ARID1B: variants seen among roughly 807,000 people sequenced by gnomAD.
ARID1B encodes AT-rich interaction domain 1B, also known as AT-rich interactive domain-containing protein 1B.
A neutral mutation model predicts 212.3 loss-of-function variants in ARID1B; 30 were observed. The ratio of observed to expected loss-of-function variants is 0.14; its 90% confidence interval spans 0.11 to 0.19. The LOEUF (loss-of-function observed/expected upper bound fraction) is 0.19, where lower values mean the gene tolerates loss of function less well. ARID1B is among the 10% of genes least tolerant of loss of function. The pLI is 1.00. For synonymous variants in ARID1B, 1,402 were observed against 1,301.7 expected (o/e 1.08, Z -1.66); for missense variants, 2,891 against 3,204.0 (o/e 0.90, Z 2.36).
At chr6:156,930,282 C>A (rs889238645) in intron 3 of ARID1B, among the ~76,000 whole-genome samples, 3 of 152,078 alleles carry the variant, frequency 2.0e-5, no homozygotes, top group African/African-American at 7.2e-5. Context: ...TCTCATGAGA[C>A]CTGGTTGTTT....
intron 4 of ARID1B, among the ~76,000 whole-genome samples, chr6:157,015,037 C>T (rs533068140): frequency 6.6e-6 from 1 of 152,254 alleles, no homozygotes; most frequent in Non-Finnish European, 1.5e-5. Context: ...CTGGGAAAGA[C>T]GAGATGACAT....
intron 4 of ARID1B, among the ~76,000 whole-genome samples, chr6:157,060,466 GAATA>G (rs1562586030): frequency 1.3e-5 from 2 of 151,984 alleles, no homozygotes; most frequent in South Asian, 2.1e-4. Flanking sequence ...TGCCATAGAA[GAATA>G]AATAATTTTC....
intron 1 of ARID1B, among the ~76,000 whole-genome samples, chr6:156,822,811 C>T (rs907960810): frequency 2.0e-5 from 3 of 152,126 alleles, no homozygotes; most frequent in African/African-American, 7.2e-5. Flanking sequence ...AGTGGGCGCC[C>T]ACTGCCCACT....
intron 4 of ARID1B, among the ~76,000 whole-genome samples, chr6:156,957,245 C>T (rs1381211298): frequency 6.6e-6 from 1 of 152,152 alleles, no homozygotes; most frequent in African/African-American, 2.4e-5. Context: ...CCACTGTGTC[C>T]CACGTCTTTC....
rs1017787863 is a variant in ARID1B at position 157,209,684 on chromosome 6, G to A, written c.*1793G>A. Reference sequence around the variant, plus strand: ...TATTTTGCATTTAGTTTACTCCACCGTGTATAATATTTATACTGTGCAATG... The same window carrying A: ...TATTTTGCATTTAGTTTACTCCACCATGTATAATATTTATACTGTGCAATG... On this transcript the variant is annotated 3_prime_UTR_variant, in exon 20 of 20. Transcript: ENST00000636930. 14 of 233,050 alleles carry A rather than the reference G, an allele frequency of 6.0e-5. No homozygotes were observed. The highest frequency in any genetic ancestry group is 2.4e-4 in the African/African-American group (11 of 45,416). The allele number at this position is 233,050 out of a possible 1,614,324, so 14.4% of individuals were successfully genotyped here.
intron 2 of ARID1B, among the ~76,000 whole-genome samples, chr6:156,897,206 G>GCTTCTT (rs1562468084): frequency 6.0e-5 from 5 of 82,844 alleles, no homozygotes; most frequent in African/African-American, 9.2e-5. Context: ...TGCTGCTGCT[G>GCTTCTT]CTGCTGCTGC....
intron 1 of ARID1B, among the ~76,000 whole-genome samples, chr6:156,794,272 CAG>C (rs1780201649): frequency 6.6e-6 from 1 of 151,440 alleles, no homozygotes; most frequent in Non-Finnish European, 1.5e-5. Context: ...TTTTTGGAGA[CAG>C]AGTCTTGCTC....
At chr6:156,833,597 A>G (rs1386686395) in intron 2 of ARID1B, among the ~76,000 whole-genome samples, 1 of 152,222 alleles carries the variant, frequency 6.6e-6, no homozygotes, top group Admixed American at 6.5e-5. Context: ...ATGGGAAAAC[A>G]TGACTTTTTT....
At chr6:157,016,106 T>C (rs1402779642) in intron 4 of ARID1B, among the ~76,000 whole-genome samples, 2 of 152,358 alleles carry the variant, frequency 1.3e-5, no homozygotes, top group South Asian at 4.1e-4. Context: ...ACAGTGTCTG[T>C]CAAATTACTA....
At position 157,017,405 on chromosome 6, in the gene ARID1B, TTTTG is replaced by T. The variant is rs141536933; in HGVS notation, c.2248-67246_2248-67243del. Among the ~76,000 whole-genome samples the T allele has an allele frequency of 3.6e-3, 550 of 152,330 alleles. 29 individuals carry two copies. In the East Asian group the frequency reaches 0.083, roughly 23 times the overall value. Reference sequence around the variant, plus strand: ...ATTGGGGACCACAGGAAGATGTTCTTTTTGTTTGTTTGTTGTGGCTAATAGATGA... The same window carrying T: ...ATTGGGGACCACAGGAAGATGTTCTTTTTGTTTGTTGTGGCTAATAGATGA... On this transcript the variant is annotated intron_variant, in intron 4 of 19. Transcript: ENST00000636930.
At chr6:156,968,281 C>CA (rs1392826964) in intron 4 of ARID1B, among the ~76,000 whole-genome samples, 2 of 151,714 alleles carry the variant, frequency 1.3e-5, no homozygotes, top group South Asian at 2.1e-4. Context: ...TGCCATTTTA[C>CA]AAAAAATGAG....
At chr6:157,005,665 C>A (rs1264361177) in intron 4 of ARID1B, among the ~76,000 whole-genome samples, 4 of 152,098 alleles carry the variant, frequency 2.6e-5, no homozygotes, top group Non-Finnish European at 5.9e-5. Flanking sequence ...GCAGTTCCTC[C>A]CCGATCTCCG....
chr6:157,025,285 A>G (rs1780587300), intron 4 of ARID1B, among the ~76,000 whole-genome samples: 1 of 152,246 alleles, frequency 6.6e-6, no homozygotes, highest in Admixed American at 6.5e-5. Context: ...ATGAGAAACT[A>G]TAGGATATTG....
At chr6:157,110,776 C>G in intron 6 of ARID1B, 2 of 590,660 alleles carry the variant, frequency 3.4e-6, no homozygotes, top group Non-Finnish European at 6.0e-6. Context: ...AAGTACAGTT[C>G]AAGGCCCAAA....
intron 4 of ARID1B, among the ~76,000 whole-genome samples, chr6:157,050,310 C>T (rs1782512544): frequency 6.6e-6 from 1 of 152,180 alleles, no homozygotes; most frequent in Non-Finnish European, 1.5e-5. Flanking sequence ...CTTTGGGAGG[C>T]CGAGGCGGGT....
At chr6:157,138,777 T>A (rs1789125516) in intron 7 of ARID1B, among the ~76,000 whole-genome samples, 1 of 152,256 alleles carries the variant, frequency 6.6e-6, no homozygotes, top group Admixed American at 6.5e-5. Context: ...CTTCTTATCT[T>A]AACCTTGTTT....
rs367881006 is a variant in ARID1B at position 157,178,439 on chromosome 6, C to T, written c.3505-2530C>T. Among the ~76,000 whole-genome samples the T allele has an allele frequency of 1.8e-4, 27 of 152,238 alleles. 1 individual carries two copies. The South Asian group carries it at 5.4e-3, about 30-fold the overall frequency. On this transcript the variant is annotated intron_variant, in intron 11 of 19. Transcript: ENST00000636930. ...ACATACAGTTTTACACAGTGTGTGACGTCGTGCTGCAAAGGAAAAGTAAAG... is the reference window on the plus strand; with the variant it reads ...ACATACAGTTTTACACAGTGTGTGATGTCGTGCTGCAAAGGAAAAGTAAAG...
chr6:156,976,964 A>T, intron 4 of ARID1B: 1 of 536,276 alleles, frequency 1.9e-6, no homozygotes, highest in Non-Finnish European at 3.7e-6. Context: ...ATCTGCTTCC[A>T]TCCTGCCAGT....
chr6:156,975,617 T>C (rs901121975), intron 4 of ARID1B, among the ~76,000 whole-genome samples: 393 of 149,888 alleles, frequency 2.6e-3, no homozygotes, highest in Non-Finnish European at 4.9e-3. Flanking sequence ...TTTTTTCTTT[T>C]TTTTTTTTTT....
Sources: allele counts gnomAD v4.1 joint callset (sites outside exome capture counted in the v4.1 genomes callset), GRCh38; gene constraint gnomAD v4.1.1; transcripts MANE v1.5; gene names NCBI Gene and HGNC (gene_info 2026-07-23, HGNC 2026-07-21).